TBL1XR1: variants seen among roughly 807,000 people sequenced by gnomAD.
The protein encoded by TBL1XR1 is TBL1X/Y related 1, also known as F-box-like/WD repeat-containing protein TBL1XR1.
In TBL1XR1, 5 loss-of-function variants were observed where a neutral mutation model predicts 66.9. That is an observed-to-expected ratio of 0.07 (90% confidence interval 0.04 to 0.16). The LOEUF (loss-of-function observed/expected upper bound fraction) is 0.16, where lower values mean the gene tolerates loss of function less well. Among genes scored for constraint, TBL1XR1 ranks in the 10% least tolerant of loss-of-function variants. The pLI, the probability that TBL1XR1 is intolerant of heterozygous loss-of-function variation, is 1.00. For synonymous variants in TBL1XR1, 210 were observed against 206.0 expected (o/e 1.02, Z -0.17); for missense variants, 238 against 623.2 (o/e 0.38, Z 6.58).
chr3:177,155,990 C>T (rs1372317999), intron 1 of TBL1XR1, among the ~76,000 whole-genome samples: 3 of 151,524 alleles, frequency 2.0e-5, no homozygotes, highest in Non-Finnish European at 4.4e-5. Context: ...GCCTGGGCAA[C>T]AAGAGTGAAA....
At chr3:177,054,121 CTTTT>C (rs1476384907) in intron 3 of TBL1XR1, among the ~76,000 whole-genome samples, 1 of 151,766 alleles carries the variant, frequency 6.6e-6, no homozygotes, top group Non-Finnish European at 1.5e-5. Flanking sequence ...TACATACTTT[CTTTT>C]TCTCTTAATG....
intron 1 of TBL1XR1, among the ~76,000 whole-genome samples, chr3:177,156,944 A>G (rs1731592686): frequency 6.6e-6 from 1 of 152,224 alleles, no homozygotes; most frequent in Non-Finnish European, 1.5e-5. Flanking sequence ...ATGAATTACC[A>G]CAAACGTAGT....
At chr3:177,140,070 A>AGGCG (rs1729462226) in intron 1 of TBL1XR1, among the ~76,000 whole-genome samples, 2 of 152,194 alleles carry the variant, frequency 1.3e-5, no homozygotes, top group Admixed American at 1.3e-4. Context: ...TGGGAGGCCA[A>AGGCG]GGTGGACAGA....
intron 1 of TBL1XR1, among the ~76,000 whole-genome samples, chr3:177,176,860 G>C (rs1244221522): frequency 6.6e-6 from 1 of 152,118 alleles, no homozygotes; most frequent in Non-Finnish European, 1.5e-5. Flanking sequence ...CACGTCTGTA[G>C]TCCCAGCTAC....
At chr3:177,127,883 TATTAA>T (rs1727830718) in intron 1 of TBL1XR1, among the ~76,000 whole-genome samples, 1 of 152,196 alleles carries the variant, frequency 6.6e-6, no homozygotes, top group East Asian at 1.9e-4. Context: ...TTGGTCAAGA[TATTAA>T]AAACATTTAC....
intron 1 of TBL1XR1, among the ~76,000 whole-genome samples, chr3:177,123,489 G>A (rs1560201265): frequency 6.6e-6 from 1 of 151,950 alleles, no homozygotes; most frequent in Non-Finnish European, 1.5e-5. Flanking sequence ...TTTAAACATG[G>A]AAGAGGCTAA....
At chr3:177,026,338 C>T in intron 15 of TBL1XR1, 35 bp downstream of exon 15, 2 of 1,535,402 alleles carry the variant, frequency 1.3e-6, no homozygotes, top group Non-Finnish European at 1.8e-6. Flanking sequence ...GAATACCCAC[C>T]CACACCCTCT....
At chr3:177,026,341 C>A (rs1348420176) in intron 15 of TBL1XR1, 32 bp downstream of exon 15, 2 of 1,558,616 alleles carry the variant, frequency 1.3e-6, no homozygotes, top group East Asian at 2.2e-5. Flanking sequence ...TACCCACCCA[C>A]ACCCTCTTTG....
At chr3:177,137,521 T>G (rs945237117) in intron 1 of TBL1XR1, among the ~76,000 whole-genome samples, 1 of 152,170 alleles carries the variant, frequency 6.6e-6, no homozygotes, top group African/African-American at 2.4e-5. Context: ...AGTTAATTAA[T>G]TAAAAATAAA....
At chr3:177,117,048 G>A (rs760017251) in intron 1 of TBL1XR1, among the ~76,000 whole-genome samples, 3 of 152,142 alleles carry the variant, frequency 2.0e-5, no homozygotes, top group South Asian at 2.1e-4. Flanking sequence ...TTGGCATTCC[G>A]AAAATGGGGT....
At position 177,039,721 on chromosome 3, in the gene TBL1XR1, G is replaced by A. The variant is rs75619472; in HGVS notation, c.926-1287C>T. Among the ~76,000 whole-genome samples the A allele has an allele frequency of 9.9e-5, 15 of 152,284 alleles. No homozygotes were observed. In the East Asian group the frequency reaches 2.9e-3, roughly 29 times the overall value. ...ATATCAAAGACTGCATTTAAAGCAG[G>A]GGTTGACAAACTATGGCACATAAGC... On this transcript the variant is annotated intron_variant, in intron 10 of 15. Coordinates refer to ENST00000457928, the MANE Select transcript of TBL1XR1 (RefSeq NM_024665.7).
At chr3:177,177,327 G>A (rs888284017) in intron 1 of TBL1XR1, among the ~76,000 whole-genome samples, 10 of 151,674 alleles carry the variant, frequency 6.6e-5, no homozygotes, top group African/African-American at 1.5e-4. Flanking sequence ...GCGTGCGCCC[G>A]TTATCCCAGC....
intron 2 of TBL1XR1, among the ~76,000 whole-genome samples, chr3:177,067,680 ATATTAGTT>A (rs1362425615): frequency 1.3e-5 from 2 of 152,164 alleles, no homozygotes; most frequent in African/African-American, 4.8e-5. Context: ...TCATAGTGCT[ATATTAGTT>A]CCCGGCAATT....
Position 177,174,396 on chromosome 3 carries a change from G to A in TBL1XR1, c.-122+22725C>T, listed in dbSNP as rs577364701. ...TGCACTCCGGCCTGGGTGACAGAGC[G>A]AGACTCCATCTCAAAAAAAAAAAAA... On this transcript the variant is annotated intron_variant, in intron 1 of 15. Transcript: ENST00000457928. 1.3e-4 allele frequency among the ~76,000 whole-genome samples: 15 copies of A among 116,328 alleles called. 1 individual carries two copies. Among genetic ancestry groups the A allele is most frequent in the African/African-American group, 4.5e-4 (13 of 29,190 alleles). The allele number at this position is 116,328 out of a possible 152,430, so 76.3% of individuals were successfully genotyped here.
intron 2 of TBL1XR1, among the ~76,000 whole-genome samples, chr3:177,072,674 C>A (rs1352948952): frequency 6.6e-6 from 1 of 152,150 alleles, no homozygotes; most frequent in African/African-American, 2.4e-5. Flanking sequence ...TTGCAAGTTA[C>A]ACTAGCCACT....
chr3:177,112,193 C>T (rs1161419418), intron 1 of TBL1XR1, among the ~76,000 whole-genome samples: 2 of 142,612 alleles, frequency 1.4e-5, no homozygotes, highest in Non-Finnish European at 3.0e-5. Context: ...CTAAAACCTG[C>T]GTCTCCCGGG....
chr3:177,136,731 C>A (rs566931864), intron 1 of TBL1XR1, among the ~76,000 whole-genome samples: 1 of 152,282 alleles, frequency 6.6e-6, no homozygotes, highest in South Asian at 2.1e-4. Flanking sequence ...TATTTCTCCC[C>A]TGCTGAAGTG....
At chr3:177,159,929 G>C (rs1366911052) in intron 1 of TBL1XR1, among the ~76,000 whole-genome samples, 2 of 152,140 alleles carry the variant, frequency 1.3e-5, no homozygotes, top group Non-Finnish European at 2.9e-5. Context: ...AATAGGTCAA[G>C]GTCGTTAATA....
chr3:177,096,860 T>G (rs1032595536), intron 2 of TBL1XR1, among the ~76,000 whole-genome samples: 3 of 152,074 alleles, frequency 2.0e-5, no homozygotes, highest in Non-Finnish European at 4.4e-5. Flanking sequence ...TAGGTAAAGC[T>G]TGGCTTGGGG....
Sources: gnomAD v4.1 joint callset for allele counts (sites outside exome capture counted in the v4.1 genomes callset) on GRCh38, gnomAD v4.1.1 for gene constraint, MANE v1.5 for transcripts, NCBI Gene and HGNC (gene_info 2026-07-23, HGNC 2026-07-21) for gene names.